The following SPDYE21 variants were observed in gnomAD, a reference collection of about 807,000 sequenced individuals.
SPDYE21 encodes speedy protein E21.
SPDYE21 carries 14 observed loss-of-function variants against 36.2 expected under a neutral mutation model. That is an observed-to-expected ratio of 0.39 (90% confidence interval 0.26 to 0.61). The LOEUF is 0.61. Among genes scored for constraint, SPDYE21 ranks in the 20% least tolerant of loss-of-function variants. SPDYE21 has a pLI of 0.55. For synonymous variants in SPDYE21, 58 were observed against 155.1 expected (o/e 0.37, Z 4.65); for missense variants, 233 against 424.6 (o/e 0.55, Z 3.97).
chr7:67,282,739 G>A (rs1303715259), intron 5 of SPDYE21, 46 bp downstream of exon 5: 5 of 1,055,540 alleles, frequency 4.7e-6, no homozygotes, highest in Non-Finnish European at 6.5e-6. Context: ...ACACATGGCT[G>A]GGGGGAGGGC....
At chr7:67,284,186 C>T (rs1233448562) in intron 6 of SPDYE21, among the ~76,000 whole-genome samples, 188 bp downstream of exon 6, 15 of 149,382 alleles carry the variant, frequency 1.0e-4, no homozygotes, top group African/African-American at 2.0e-4. Context: ...CAGTGGCATA[C>T]GCCTGTAATC....
At chr7:67,284,032 C>A (rs1329178459) in intron 6 of SPDYE21, 34 bp downstream of exon 6, 1 of 679,050 alleles carries the variant, frequency 1.5e-6, no homozygotes, top group Non-Finnish European at 2.7e-6. Context: ...CCGTCAATAT[C>A]CAATGCCCTG....
At chr7:67,282,806 T>C in intron 5 of SPDYE21, 113 bp downstream of exon 5, 1 of 1,221,728 alleles carries the variant, frequency 8.2e-7, no homozygotes, top group Non-Finnish European at 1.1e-6. Context: ...GCTCCTACAG[T>C]CTTTTTTTTT....
chr7:67,284,445 T>G, intron 6 of SPDYE21, among the ~76,000 whole-genome samples: 2 of 45,846 alleles, frequency 4.4e-5, no homozygotes, highest in African/African-American at 1.8e-4. Flanking sequence ...TGAGACTTTT[T>G]CTCAAAAAAA....
chr7:67,280,257 C>T (rs545574683), intron 3 of SPDYE21, among the ~76,000 whole-genome samples: 7 of 152,102 alleles, frequency 4.6e-5, no homozygotes, highest in South Asian at 2.1e-4. Context: ...AGCTTGGTTT[C>T]GCACCAGGTG....
chr7:67,288,100 T>C lies in SPDYE21; in HGVS notation c.*628T>C, dbSNP rs1802773269. Among the ~76,000 whole-genome samples, 2 of 151,856 alleles carry C rather than the reference T, an allele frequency of 1.3e-5. No homozygotes were observed. The highest frequency in any genetic ancestry group is 1.3e-4 in the Admixed American group (2 of 15,234). Reference sequence around the variant, plus strand: ...TGATGAGAGTTATAGTTGTTATATATACATAAAGATAATTTTCTTTTCATT... The same window carrying C: ...TGATGAGAGTTATAGTTGTTATATACACATAAAGATAATTTTCTTTTCATT... On this transcript the variant is annotated 3_prime_UTR_variant, in exon 9 of 9. Coordinates refer to ENST00000424157, the MANE Select transcript of SPDYE21 (RefSeq NM_001382715.2).
At position 67,288,184 on chromosome 7, in the gene SPDYE21, T is replaced by G. The variant is rs1324932617; in HGVS notation, c.*712T>G. Among the ~76,000 whole-genome samples the G allele has an allele frequency of 4.6e-5, 7 of 151,334 alleles. No individual in the cohort carries two copies. Among genetic ancestry groups the G allele is most frequent in the Non-Finnish European group, 1.0e-4 (7 of 67,788 alleles). ...TATTATCTTTAAATTTTTTTCTGTA[T>G]TATTATATGTGCTCCTGAAGCGAGC... On this transcript the variant is annotated 3_prime_UTR_variant, in exon 9 of 9. Coordinates refer to ENST00000424157, the MANE Select transcript of SPDYE21 (RefSeq NM_001382715.2).
intron 1 of SPDYE21, among the ~76,000 whole-genome samples, chr7:67,277,662 A>C (rs1245207487): frequency 6.6e-6 from 1 of 151,046 alleles, no homozygotes; most frequent in East Asian, 2.0e-4. Context: ...GGCCTCAGGC[A>C]ATCTTCCTCC....
chr7:67,279,984 G>T lies in SPDYE21; in HGVS notation c.327G>T (p.Gln109His). The T allele has an allele frequency of 6.3e-7, 1 of 1,579,070 alleles. No individual in the cohort carries two copies. The highest frequency in any genetic ancestry group is 1.7e-5 in the Admixed American group (1 of 58,780). Residue 109 changes from glutamine to histidine, a missense_variant, in exon 3 of 9, where the codon CAG becomes CAT. Gln to His is a conservative substitution (Grantham distance 24). Around this residue, in one of 4 missense-constraint regions of SPDYE21, gnomAD observed 68 missense variants for 87.6 expected, o/e 0.78. Coordinates refer to ENST00000424157, the MANE Select transcript of SPDYE21 (RefSeq NM_001382715.2). ...LCGLKMKLKQ[Q>H]RVSPILPEHH... ...GGCTTAAGATGAAGCTGAAGCAACA[G>T]CGAGTGTCACCCATCCTCCCTGAGC...
At chr7:67,286,850 C>T (rs536167726) in intron 8 of SPDYE21, among the ~76,000 whole-genome samples, 186 bp downstream of exon 8, 28 of 152,168 alleles carry the variant, frequency 1.8e-4, no homozygotes, top group South Asian at 4.2e-4. Context: ...GAGGCTGAGG[C>T]GGGAGGATTG....
At chr7:67,280,395 A>G (rs1470153930) in intron 3 of SPDYE21, among the ~76,000 whole-genome samples, 1 of 151,920 alleles carries the variant, frequency 6.6e-6, no homozygotes, top group Admixed American at 6.6e-5. Context: ...GACAGAGCAA[A>G]ACCCTGTGTC....
chr7:67,283,087 T>C (rs1802670970), intron 5 of SPDYE21, among the ~76,000 whole-genome samples: 1 of 151,434 alleles, frequency 6.6e-6, no homozygotes, highest in African/African-American at 2.4e-5. Flanking sequence ...ATTATAGATG[T>C]CAGCCACTGT....
At position 67,278,506 on chromosome 7, in the gene SPDYE21, GT is replaced by G. The variant is rs377381962; in HGVS notation, c.-199del. Among the ~76,000 whole-genome samples the G allele has an allele frequency of 0.1, 3,671 of 36,448 alleles. 183 individuals are homozygous for G. Among genetic ancestry groups the G allele is most frequent in the East Asian group, 0.38 (180 of 476 alleles). 23.9% of individuals were successfully genotyped at this position (36,448 alleles called of 152,430 possible). A position where few individuals can be genotyped will look rare whatever the true frequency, so the allele number is the denominator to read the frequency against. Reference sequence around the variant, plus strand: ...AGAGATCAGCCTGGCAGTTACATGTGTTTTTTTTTCAAACTGGTTGCCAGGT... The same window carrying G: ...AGAGATCAGCCTGGCAGTTACATGTGTTTTTTTTCAAACTGGTTGCCAGGT... On this transcript the variant is annotated 5_prime_UTR_variant, in exon 2 of 9. It introduces an in-frame stop codon into an upstream open reading frame of the 5' UTR. Coordinates refer to ENST00000424157, the MANE Select transcript of SPDYE21 (RefSeq NM_001382715.2).
chr7:67,286,872 A>G (rs964520157), intron 8 of SPDYE21, among the ~76,000 whole-genome samples: 2 of 151,708 alleles, frequency 1.3e-5, no homozygotes, highest in Non-Finnish European at 2.9e-5. Context: ...TGGAGCCTGG[A>G]AGGTTGGGGC....
In SPDYE21 at chr7:67,286,412, G is replaced by C. The variant is rs190106838; in HGVS notation, c.1124G>C (p.Trp375Ser). ...QFFCSMSGRAWVSPEELEEIQ... is the reference protein window; with the variant it reads ...QFFCSMSGRASVSPEELEEIQ... ...TTCTGTTCCATGAGCGGCAGGGCTTGGGTTTCCCCGGAGGAGTTGGAGGAG... is the reference window on the plus strand; with the variant it reads ...TTCTGTTCCATGAGCGGCAGGGCTTCGGTTTCCCCGGAGGAGTTGGAGGAG... The change falls in exon 7 of 9, where the codon TGG becomes TCG. Residue 375 changes from tryptophan to serine, a missense_variant. Around this residue, in one of 4 missense-constraint regions of SPDYE21, gnomAD observed 139 missense variants for 175.8 expected, o/e 0.79. Coordinates refer to ENST00000424157, the MANE Select transcript of SPDYE21 (RefSeq NM_001382715.2). Among the ~76,000 whole-genome samples the C allele has an allele frequency of 6.6e-6, 1 of 152,150 alleles. No homozygotes were observed. Among genetic ancestry groups the C allele is most frequent in the African/African-American group, 2.4e-5 (1 of 41,440 alleles).
chr7:67,283,030 A>C (rs1195871423), intron 5 of SPDYE21, among the ~76,000 whole-genome samples: 18 of 144,320 alleles, frequency 1.2e-4, no homozygotes, highest in Middle Eastern at 3.5e-3. Context: ...GGTCCTGAAC[A>C]CCTGACCTCA....
At position 67,288,854 on chromosome 7, in the gene SPDYE21, T is replaced by A. The variant is rs1802789064; in HGVS notation, c.*1382T>A. Among the ~76,000 whole-genome samples, 1 of 151,068 alleles carries A rather than the reference T, an allele frequency of 6.6e-6. No individual in the cohort carries two copies. Among genetic ancestry groups the A allele is most frequent in the African/African-American group, 2.4e-5 (1 of 41,060 alleles). ...AATGTGAGAATTCAGATGTAATTTT[T>A]TACCTTGTTTTGGCATGTTTGTATA... On this transcript the variant is annotated 3_prime_UTR_variant, in exon 9 of 9. Coordinates refer to ENST00000424157, the MANE Select transcript of SPDYE21 (RefSeq NM_001382715.2).
intron 3 of SPDYE21, among the ~76,000 whole-genome samples, chr7:67,280,880 G>A (rs1386415090): frequency 6.3e-5 from 9 of 142,282 alleles, no homozygotes; most frequent in African/African-American, 2.3e-4. Context: ...CCAGGAGTTG[G>A]AGACCAGCCT....
At chr7:67,278,208 GTACATGATAATCT>G (rs1802571587) in intron 1 of SPDYE21, among the ~76,000 whole-genome samples, 71 bp from the exon 2 acceptor site, 2 of 101,072 alleles carry the variant, frequency 2.0e-5, no homozygotes, top group Non-Finnish European at 2.0e-5. Context: ...TCTCACTCTT[GTACATGATAATCT>G]CACTCTTATA....
Sources: gnomAD v4.1 joint callset for allele counts (sites outside exome capture counted in the v4.1 genomes callset) on GRCh38, gnomAD v4.1.1 for gene constraint, gnomAD v4.1.1 regional missense constraint, MANE v1.5 for transcripts, NCBI Gene and HGNC (gene_info 2026-07-23, HGNC 2026-07-21) for gene names.